Variants in IMPG1 observed in about 807,000 individuals in gnomAD.
IMPG1 encodes interphotoreceptor matrix proteoglycan of 150 kDa.
IMPG1 carries 85 observed loss-of-function variants against 92.0 expected under a neutral mutation model. The ratio of observed to expected loss-of-function variants is 0.92; its 90% CI spans 0.78 to 1.11. The LOEUF (loss-of-function observed/expected upper bound fraction) is 1.11, where lower values mean the gene tolerates loss of function less well. Ranked by LOEUF, IMPG1 falls within the 50% of genes least tolerant of loss-of-function variation. The pLI is 0.00. For synonymous variants in IMPG1, 367 were observed against 334.1 expected (o/e 1.10, Z -1.08); for missense variants, 1,022 against 956.0 (o/e 1.07, Z -0.91).
At chr6:75,972,076 G>T (rs556686789) in intron 12 of IMPG1, among the ~76,000 whole-genome samples, 111 of 152,054 alleles carry the variant, frequency 7.3e-4, no homozygotes, top group Non-Finnish European at 1.5e-3. Context: ...GTTAGTCTAG[G>T]CTTGAAAAGT....
At chr6:76,031,386 A>G (rs953513890) in intron 4 of IMPG1, among the ~76,000 whole-genome samples, 1 of 152,158 alleles carries the variant, frequency 6.6e-6, no homozygotes, top group African/African-American at 2.4e-5. Flanking sequence ...TCATGTACAT[A>G]TTTCTGCCAC....
chr6:75,930,285 A>G (rs1284234627), intron 15 of IMPG1, among the ~76,000 whole-genome samples: 2 of 152,242 alleles, frequency 1.3e-5, no homozygotes, highest in African/African-American at 2.4e-5. Flanking sequence ...AAAATATTTC[A>G]TGACATGGGG....
At chr6:76,022,581 C>T (rs1400373620) in intron 5 of IMPG1, among the ~76,000 whole-genome samples, 1 of 152,030 alleles carries the variant, frequency 6.6e-6, no homozygotes, top group Admixed American at 6.6e-5. Context: ...TAGAATACTG[C>T]CCAAGTCTTT....
chr6:76,030,804 C>T (rs1783640716), intron 4 of IMPG1, among the ~76,000 whole-genome samples: 1 of 152,196 alleles, frequency 6.6e-6, no homozygotes, highest in African/African-American at 2.4e-5. Context: ...TATTCTTAAT[C>T]CAACAACTGT....
At chr6:75,991,139 T>C (rs185094426) in intron 12 of IMPG1, among the ~76,000 whole-genome samples, 54 of 152,224 alleles carry the variant, frequency 3.5e-4, no homozygotes, top group Admixed American at 5.9e-4. Flanking sequence ...ACGCCTATAA[T>C]CCCAGGACTT....
At chr6:75,977,335 C>T (rs1323318081) in intron 12 of IMPG1, among the ~76,000 whole-genome samples, 2 of 152,096 alleles carry the variant, frequency 1.3e-5, no homozygotes, top group Admixed American at 6.6e-5. Flanking sequence ...CGCCTGTAAT[C>T]CCAGCACTTT....
chr6:76,005,506 C>T lies in IMPG1; in HGVS notation c.916G>A (p.Ala306Thr). Reference sequence around the variant, plus strand: ...TCTGCACTGTGTCTCTTAAAGATGGCCGTAAGTTGCATCTCTGTGGAGCTT... The same window carrying T: ...TCTGCACTGTGTCTCTTAAAGATGGTCGTAAGTTGCATCTCTGTGGAGCTT... ...GSSSTEMQLT[A>T]IFKRHSAEAK... is the part of the protein sequence containing the mutation. Residue 306 changes from alanine (A) to threonine (T), a missense_variant, in exon 10 of 17, where the codon GCC becomes ACC. This residue lies in a region of IMPG1 where 681 missense variants were observed against 583.6 expected (regional missense o/e 1.17). Coordinates refer to ENST00000369950, the MANE Select transcript of IMPG1 (RefSeq NM_001563.4). 1.2e-6 allele frequency: 2 copies of T among 1,613,872 alleles called. No individual in the cohort carries two copies. Among genetic ancestry groups the T allele is most frequent in the South Asian group, 1.1e-5 (1 of 91,062 alleles).
chr6:76,051,138 A>C (rs1784036968), intron 1 of IMPG1, among the ~76,000 whole-genome samples: 1 of 152,112 alleles, frequency 6.6e-6, no homozygotes, highest in South Asian at 2.1e-4. Flanking sequence ...AATCTTTCCC[A>C]AATTTTTCTA....
In IMPG1 at chr6:75,923,676, G is replaced by A. The variant is rs766808032; in HGVS notation, c.2274C>T (p.Tyr758=). Residue 758 remains tyrosine (Y), a synonymous_variant, in exon 16 of 17, where the codon TAC becomes TAT. Transcript: ENST00000369950. The part of the protein sequence containing the change: ...RLPDHSENQA[Y]KTSVKKFQNQ... ...TTTGGAACTTTTTAACACTAGTTTT[G>A]TATGCTTGATTTTCAGAGTGATCTG... The A allele has an allele frequency of 5.0e-6, 8 of 1,596,132 alleles. No individual in the cohort carries two copies. Among genetic ancestry groups the A allele is most frequent in the East Asian group, 2.2e-5 (1 of 44,698 alleles).
At chr6:75,924,706 A>ATATC in intron 15 of IMPG1, among the ~76,000 whole-genome samples, 1 of 1,570 alleles carries the variant, frequency 6.4e-4, no homozygotes, top group Admixed American at 0.014. Context: ...AATTATATAT[A>ATATC]ATATATAATA....
At chr6:75,956,811 TC>T (rs1782131454) in intron 12 of IMPG1, among the ~76,000 whole-genome samples, 1 of 152,254 alleles carries the variant, frequency 6.6e-6, no homozygotes, top group Non-Finnish European at 1.5e-5. Flanking sequence ...CTCATTGGTT[TC>T]AAAGAACTTA....
intron 12 of IMPG1, among the ~76,000 whole-genome samples, chr6:75,968,558 T>C (rs925304442): frequency 1.8e-4 from 27 of 151,644 alleles, no homozygotes; most frequent in African/African-American, 6.5e-4. Flanking sequence ...TATTTTATTA[T>C]TTCTGAGTAG....
In IMPG1 at chr6:75,921,427, A is replaced by G. The variant is rs1781426354; in HGVS notation, c.*662T>C. 1 of 152,406 alleles carries G rather than the reference A, an allele frequency of 6.6e-6. No individual in the cohort carries two copies. The highest frequency in any genetic ancestry group is 2.1e-4 in the South Asian group (1 of 4,834). 9.4% of individuals were successfully genotyped at this position (152,406 alleles called of 1,614,324 possible). A position where few individuals can be genotyped will look rare whatever the true frequency, so the allele number is the denominator to read the frequency against. On this transcript the variant is annotated 3_prime_UTR_variant, in exon 17 of 17. Coordinates refer to ENST00000369950, the MANE Select transcript of IMPG1 (RefSeq NM_001563.4). ...AATAGCTTTGTGTAGTAACAAGAAA[A>G]GTAAGATTTTTCCATGGTATGTGTA... is the stretch of plus-strand genomic sequence containing the variant.
chr6:75,941,419 G>A (rs769542552), intron 14 of IMPG1, among the ~76,000 whole-genome samples: 2 of 152,214 alleles, frequency 1.3e-5, no homozygotes, highest in Non-Finnish European at 2.9e-5. Context: ...GAGACCACCT[G>A]TGGGTCAATC....
At chr6:76,021,725 T>C (rs2314090) in intron 6 of IMPG1, among the ~76,000 whole-genome samples, 87,999 of 141,524 alleles carry the variant, frequency 0.62, 27,722 homozygotes, top group South Asian at 0.67. Context: ...ACTTCAGTGG[T>C]GAAAGAGCTT....
chr6:76,047,263 C>T (rs575607475), intron 1 of IMPG1, among the ~76,000 whole-genome samples: 2 of 152,170 alleles, frequency 1.3e-5, no homozygotes, highest in Admixed American at 6.5e-5. Context: ...GGGCCCTTCT[C>T]TTCCTTCTCT....
chr6:76,022,349 T>A (rs1783447583), intron 5 of IMPG1, 130 bp from the exon 6 acceptor site: 1 of 461,426 alleles, frequency 2.2e-6, no homozygotes, highest in South Asian at 2.0e-5. Flanking sequence ...TCTGAACTCA[T>A]CTTTTTAAGA....
chr6:75,939,671 G>A lies in IMPG1; in HGVS notation c.2044+7643C>T, dbSNP rs565560839. On this transcript the variant is annotated intron_variant, in intron 14 of 16. Transcript: ENST00000369950. ...AAGAACTTGTAATTGCAAATTCTAT[G>A]TTCCTTTGAGATGTAAACCTTTTAA... Among the ~76,000 whole-genome samples the A allele has an allele frequency of 5.9e-5, 9 of 152,198 alleles. No individual in the cohort carries two copies. In the South Asian group the frequency reaches 6.2e-4, roughly 11 times the overall value.
intron 12 of IMPG1, among the ~76,000 whole-genome samples, chr6:75,953,054 G>T (rs568531371): frequency 2.0e-5 from 3 of 151,946 alleles, no homozygotes; most frequent in Admixed American, 6.5e-5. Context: ...CATGGGAAAT[G>T]CATTTGATTC....
Sources: allele counts gnomAD v4.1 joint callset (sites outside exome capture counted in the v4.1 genomes callset), GRCh38; gene constraint gnomAD v4.1.1; regional missense constraint gnomAD v4.1.1; transcripts MANE v1.5; gene names NCBI Gene and HGNC (gene_info 2026-07-23, HGNC 2026-07-21).